The following RGS7BP variants were observed in gnomAD, a reference collection of about 807,000 sequenced individuals.
RGS7BP encodes regulator of G protein signaling 7 binding protein, also known as regulator of G protein signaling 7-binding protein.
RGS7BP carries 9 observed loss-of-function variants against 31.3 expected under a neutral mutation model. The observed-to-expected ratio is 0.29, with a 90% confidence interval of 0.17 to 0.50. The LOEUF is 0.50. Among genes scored for constraint, RGS7BP ranks in the 20% least tolerant of loss-of-function variants. The probability of loss-of-function intolerance (pLI) is 0.98; values close to 1 mark genes in which losing one functional copy is unlikely to be tolerated. For missense variants in RGS7BP, 274 were observed against 322.0 expected, an observed-to-expected ratio of 0.85 and a Z score of 1.14; for synonymous variants, 115 against 120.1, an observed-to-expected ratio of 0.96 and a Z score of 0.28.
intron 2 of RGS7BP, among the ~76,000 whole-genome samples, chr5:64,550,823 A>T (rs903751637): frequency 1.4e-5 from 2 of 147,964 alleles, no homozygotes; most frequent in African/African-American, 2.5e-5. Flanking sequence ...GAGTGAGAAC[A>T]TGCGGTGTTT....
chr5:64,508,091 T>A (rs751929042), intron 2 of RGS7BP, among the ~76,000 whole-genome samples: 1 of 152,150 alleles, frequency 6.6e-6, no homozygotes, highest in Non-Finnish European at 1.5e-5. Flanking sequence ...TTTAGAAGAT[T>A]TGGATCAAAT....
chr5:64,569,808 A>G (rs1742262503), intron 2 of RGS7BP, among the ~76,000 whole-genome samples: 1 of 152,202 alleles, frequency 6.6e-6, no homozygotes, highest in Non-Finnish European at 1.5e-5. Flanking sequence ...CTCTCCTTGG[A>G]GAAGTCATTT....
chr5:64,525,870 T>C (rs1749219252), intron 2 of RGS7BP, among the ~76,000 whole-genome samples: 2 of 152,244 alleles, frequency 1.3e-5, no homozygotes, highest in African/African-American at 4.8e-5. Flanking sequence ...TCATCATTTA[T>C]CTTCAATTGG....
chr5:64,606,807 G>T (rs1385262419), intron 5 of RGS7BP, among the ~76,000 whole-genome samples: 1 of 151,994 alleles, frequency 6.6e-6, no homozygotes, highest in Non-Finnish European at 1.5e-5. Flanking sequence ...CTTAACTATT[G>T]GGAGCAAGTT....
At position 64,506,250 on chromosome 5, in the gene RGS7BP, C is replaced by A. The variant is rs956916227; in HGVS notation, c.-375C>A. 1 of 176,790 alleles carries A rather than the reference C, an allele frequency of 5.7e-6. No homozygotes were observed. Among genetic ancestry groups the A allele is most frequent in the Non-Finnish European group, 1.2e-5 (1 of 84,708 alleles). 11.0% of individuals were successfully genotyped at this position (176,790 alleles called of 1,614,324 possible). On this transcript the variant is annotated 5_prime_UTR_variant, in exon 1 of 6. Coordinates refer to ENST00000334025, the MANE Select transcript of RGS7BP (RefSeq NM_001029875.3). This position sits in a 1 kb window ranked among gnomAD's most constrained non-coding sequence, Gnocchi z 4.6. ...GCGCAGGCTTTGAAAGCTGCTCCCC[C>A]ACCTGAATGGAAACTCGGAACCGCC...
intron 2 of RGS7BP, among the ~76,000 whole-genome samples, chr5:64,557,455 C>T (rs1298786453): frequency 6.6e-6 from 1 of 152,188 alleles, no homozygotes; most frequent in Non-Finnish European, 1.5e-5. Flanking sequence ...TTCAGACAGC[C>T]CAGCCAGGAT....
intron 2 of RGS7BP, among the ~76,000 whole-genome samples, chr5:64,519,207 A>G (rs1390480309): frequency 6.6e-6 from 1 of 152,204 alleles, no homozygotes; most frequent in Non-Finnish European, 1.5e-5. Context: ...GGGAGAAAGA[A>G]GTAAAGGTAG....
Position 64,519,502 on chromosome 5 carries a change from A to G in RGS7BP, c.332+11625A>G, listed in dbSNP as rs76911216. 4.1e-3 allele frequency among the ~76,000 whole-genome samples: 623 copies of G among 152,328 alleles called. 1 individual carries two copies. The highest frequency in any genetic ancestry group is 0.014 in the African/African-American group (589 of 41,576). ...CAGCTCTGCCTGACTGGGTGTAGCCAGGGAAAACGACTTCATAAAGGGATT... is the reference window on the plus strand; with the variant it reads ...CAGCTCTGCCTGACTGGGTGTAGCCGGGGAAAACGACTTCATAAAGGGATT... On this transcript the variant is annotated intron_variant, in intron 2 of 5. Coordinates refer to ENST00000334025, the MANE Select transcript of RGS7BP (RefSeq NM_001029875.3).
Position 64,506,862 on chromosome 5 carries a change from A to G in RGS7BP, c.165+73A>G. ...GTGGGGGGAGTCATGTATGTTAATC[A>G]TTTGCCTGAGTGCCAGCCACTCCCC... On this transcript the variant is annotated intron_variant, in intron 1 of 5. Coordinates refer to ENST00000334025, the MANE Select transcript of RGS7BP (RefSeq NM_001029875.3). This position sits in a 1 kb window ranked among gnomAD's most constrained non-coding sequence, Gnocchi z 4.6. 7.1e-7 allele frequency: 1 copy of G among 1,414,592 alleles called. No homozygotes were observed. The highest frequency in any genetic ancestry group is 2.3e-5 in the East Asian group (1 of 42,730). 87.6% of individuals were successfully genotyped at this position (1,414,592 alleles called of 1,614,324 possible).
chr5:64,583,168 G>A (rs1484122024), intron 3 of RGS7BP, among the ~76,000 whole-genome samples: 2 of 152,136 alleles, frequency 1.3e-5, no homozygotes, highest in East Asian at 1.9e-4. Flanking sequence ...CAGGCAGATC[G>A]CTTGAGGTCA....
chr5:64,594,695 C>A lies in RGS7BP; in HGVS notation c.464-15C>A, dbSNP rs1743014961. 2 of 1,612,992 alleles carry A rather than the reference C, an allele frequency of 1.2e-6. No individual in the cohort carries two copies. The highest frequency in any genetic ancestry group is 1.3e-5 in the African/African-American group (1 of 74,852). The stretch of plus-strand genomic sequence containing the variant: ...CTTTTTCCTCTTCTCTTTACCAACA[C>A]CCTCCCTCCCTTAGGAAAGGAACCT... On this transcript the variant is annotated splice_polypyrimidine_tract_variant and intron_variant, in intron 3 of 5. Coordinates refer to ENST00000334025, the MANE Select transcript of RGS7BP (RefSeq NM_001029875.3).
intron 2 of RGS7BP, among the ~76,000 whole-genome samples, chr5:64,569,937 A>C (rs1175690076): frequency 6.6e-6 from 1 of 152,172 alleles, no homozygotes; most frequent in Non-Finnish European, 1.5e-5. Context: ...CAACAACAGA[A>C]TTGATTCCAA....
chr5:64,605,264 T>A (rs1743323903), intron 5 of RGS7BP, among the ~76,000 whole-genome samples: 1 of 152,142 alleles, frequency 6.6e-6, no homozygotes, highest in Non-Finnish European at 1.5e-5. Context: ...AAACAAAAAT[T>A]TGCAATAAAA....
chr5:64,562,323 C>A (rs888621814), intron 2 of RGS7BP, among the ~76,000 whole-genome samples: 1 of 152,066 alleles, frequency 6.6e-6, no homozygotes, highest in Non-Finnish European at 1.5e-5. Context: ...AGAATTGCCT[C>A]CCTGGAACAC....
chr5:64,515,435 T>C (rs959998399), intron 2 of RGS7BP, among the ~76,000 whole-genome samples: 30 of 152,358 alleles, frequency 2.0e-4, no homozygotes, highest in African/African-American at 6.3e-4. Flanking sequence ...ATTTAATTTA[T>C]GTTATTTGAT....
chr5:64,587,589 G>A (rs1228998906), intron 3 of RGS7BP, among the ~76,000 whole-genome samples: 1 of 152,096 alleles, frequency 6.6e-6, no homozygotes, highest in East Asian at 1.9e-4. Context: ...TGCCCCAGGA[G>A]GACACTTTGT....
chr5:64,538,319 A>T (rs1480544945), intron 2 of RGS7BP, among the ~76,000 whole-genome samples: 2 of 151,698 alleles, frequency 1.3e-5, no homozygotes, highest in Admixed American at 6.6e-5. Flanking sequence ...GAGTTCCATC[A>T]CCCCCAAAAC....
chr5:64,590,133 TAAAAG>T (rs1395449521), intron 3 of RGS7BP, among the ~76,000 whole-genome samples: 6 of 151,830 alleles, frequency 4.0e-5, no homozygotes, highest in African/African-American at 1.5e-4. Flanking sequence ...TAGGTATAGA[TAAAAG>T]AGAAGAGAAC....
intron 5 of RGS7BP, among the ~76,000 whole-genome samples, chr5:64,602,389 T>A (rs1489115139): frequency 6.6e-6 from 1 of 152,244 alleles, no homozygotes; most frequent in African/African-American, 2.4e-5. Context: ...TAAACCAATC[T>A]AATTTCTTAA....
Sources: gnomAD v4.1 joint callset for allele counts (sites outside exome capture counted in the v4.1 genomes callset) on GRCh38, gnomAD v4.1.1 for gene constraint, Gnocchi (gnomAD v3.1) non-coding constraint, MANE v1.5 for transcripts, NCBI Gene and HGNC (gene_info 2026-07-23, HGNC 2026-07-21) for gene names.